The following SNTG2 variants were observed in gnomAD, a reference collection of about 807,000 sequenced individuals.
SNTG2 encodes the protein syntrophin gamma 2.
A neutral mutation model predicts 70.9 loss-of-function variants in SNTG2; 74 were observed. The observed-to-expected ratio is 1.04, with a 90% CI of 0.86 to 1.27. The LOEUF (loss-of-function observed/expected upper bound fraction) is 1.27, where lower values mean the gene tolerates loss of function less well. Ranked by LOEUF, SNTG2 falls within the 50% of genes most tolerant of loss-of-function variation. SNTG2 has a pLI of 0.00. For missense variants in SNTG2, 717 were observed against 690.7 expected (o/e 1.04, Z -0.43); for synonymous variants, 278 against 273.8 (o/e 1.02, Z -0.15).
chr2:1,165,413 A>G (rs1007001475), intron 6 of SNTG2, 135 bp from the exon 7 acceptor site: 10 of 824,214 alleles, frequency 1.2e-5, no homozygotes, highest in Middle Eastern at 3.2e-4. Flanking sequence ...GAAGCCCACA[A>G]AGTTTTCCGT....
chr2:1,039,017 A>G (rs1002870208), intron 1 of SNTG2, among the ~76,000 whole-genome samples: 6 of 152,216 alleles, frequency 3.9e-5, no homozygotes, highest in African/African-American at 1.4e-4. Flanking sequence ...GCAAATCTGT[A>G]AGTTCATATG....
chr2:1,246,157 G>A (rs991379848), intron 11 of SNTG2, among the ~76,000 whole-genome samples: 5 of 152,144 alleles, frequency 3.3e-5, no homozygotes, highest in Admixed American at 6.5e-5. Context: ...AAACTAAAAC[G>A]TTTAATGCAT....
chr2:957,034 GCT>G (rs1248397756), intron 1 of SNTG2, among the ~76,000 whole-genome samples: 2 of 152,088 alleles, frequency 1.3e-5, no homozygotes, highest in Non-Finnish European at 2.9e-5. Flanking sequence ...TTACCAAATG[GCT>G]CTGTCAGTTT....
chr2:1,303,736 G>A (rs1680555652), intron 14 of SNTG2, among the ~76,000 whole-genome samples: 1 of 152,096 alleles, frequency 6.6e-6, no homozygotes, highest in Non-Finnish European at 1.5e-5. Context: ...AAAAAGAGGA[G>A]AAAAAGAGAA....
At chr2:1,014,313 T>G (rs372072715) in intron 1 of SNTG2, among the ~76,000 whole-genome samples, 594 of 22,324 alleles carry the variant, frequency 0.027, 3 homozygotes, top group African/African-American at 0.039. Flanking sequence ...GGGTGGTCTG[T>G]AGAGGGATTT....
At chr2:1,352,817 C>T (rs1660655624) in intron 16 of SNTG2, among the ~76,000 whole-genome samples, 1 of 152,122 alleles carries the variant, frequency 6.6e-6, no homozygotes, top group South Asian at 2.1e-4. Flanking sequence ...GTATCACCTA[C>T]ATTTTATTTT....
At chr2:1,347,649 T>A (rs372148417) in intron 16 of SNTG2, among the ~76,000 whole-genome samples, 30 of 152,350 alleles carry the variant, frequency 2.0e-4, no homozygotes, top group African/African-American at 6.5e-4. Context: ...GCCAAGGCCA[T>A]GTGAGTTCAG....
Position 951,068 on chromosome 2 carries a change from G to A in SNTG2, c.72G>A (p.Arg24=), listed in dbSNP as rs1388275101. 1.6e-6 allele frequency: 2 copies of A among 1,262,136 alleles called. No individual in the cohort carries two copies. The allele number at this position is 1,262,136 out of a possible 1,614,324, so 78.2% of individuals were successfully genotyped here. Residue 24 remains arginine (R), a splice_region_variant and synonymous_variant, in exon 1 of 17, where the codon CGG becomes CGA. Transcript: ENST00000308624. ...AGGGCTGCCTGCTGGTACCTGCGCG[G>A]GTGAGTGCGGCCCCTCAGCGCCCCT... ...GRQGCLLVPA[R]TKTTIALLYD...
intron 1 of SNTG2, among the ~76,000 whole-genome samples, chr2:1,075,719 T>C (rs764523450): frequency 6.6e-6 from 1 of 152,258 alleles, no homozygotes; most frequent in Non-Finnish European, 1.5e-5. Context: ...TCATTCTTTC[T>C]GTTTGTTGGA....
At chr2:1,128,973 C>A (rs1667865382) in intron 4 of SNTG2, among the ~76,000 whole-genome samples, 1 of 152,044 alleles carries the variant, frequency 6.6e-6, no homozygotes, top group African/African-American at 2.4e-5. Context: ...CATCTACTTC[C>A]AGTGCTGAAG....
At chr2:1,173,235 C>T in intron 8 of SNTG2, 52 bp downstream of exon 8, 2 of 1,480,448 alleles carry the variant, frequency 1.4e-6, no homozygotes, top group Non-Finnish European at 1.9e-6. Flanking sequence ...TATCAGTAGC[C>T]CAGAGATAAT....
At chr2:1,081,418 C>T (rs1664286899) in intron 1 of SNTG2, among the ~76,000 whole-genome samples, 1 of 152,236 alleles carries the variant, frequency 6.6e-6, no homozygotes, top group Non-Finnish European at 1.5e-5. Context: ...CGAGTGTTCA[C>T]TTATAAGAGT....
At chr2:1,338,636 T>C (rs1364616806) in intron 16 of SNTG2, among the ~76,000 whole-genome samples, 3 of 152,176 alleles carry the variant, frequency 2.0e-5, no homozygotes, top group Admixed American at 6.5e-5. Context: ...GATTACCTTT[T>C]CTATCTGGCT....
intron 9 of SNTG2, among the ~76,000 whole-genome samples, chr2:1,216,872 G>A (rs948354805): frequency 4.6e-5 from 7 of 151,946 alleles, no homozygotes; most frequent in Non-Finnish European, 8.8e-5. Flanking sequence ...GATAGCGAGT[G>A]AATTCTCATC....
chr2:1,161,879 C>A (rs925339515), intron 6 of SNTG2, among the ~76,000 whole-genome samples: 5 of 152,012 alleles, frequency 3.3e-5, no homozygotes, highest in African/African-American at 1.2e-4. Flanking sequence ...TCGAGACCAT[C>A]CTGGCTAACA....
Position 1,098,024 on chromosome 2 carries a change from A to G in SNTG2, c.211-172A>G, listed in dbSNP as rs534154562. On this transcript the variant is annotated intron_variant, in intron 2 of 16. Coordinates refer to ENST00000308624, the MANE Select transcript of SNTG2 (RefSeq NM_018968.4). ...CACTGTCTTCGTTTTCATACGTGCA[A>G]TACCACGGAGTAAAGATTTGAAATA... is the stretch of plus-strand genomic sequence containing the variant. Among the ~76,000 whole-genome samples, 301 of 152,266 alleles carry G rather than the reference A, an allele frequency of 2.0e-3. 2 individuals carry two copies. The highest frequency in any genetic ancestry group is 4.2e-3 in the Admixed American group (64 of 15,300).
At chr2:1,067,951 A>G (rs954194630) in intron 1 of SNTG2, among the ~76,000 whole-genome samples, 1 of 152,136 alleles carries the variant, frequency 6.6e-6, no homozygotes, top group African/African-American at 2.4e-5. Context: ...GAGTGGGGCT[A>G]GAGCTTTGGG....
intron 1 of SNTG2, among the ~76,000 whole-genome samples, chr2:1,072,047 T>C (rs1000461143): frequency 6.6e-6 from 1 of 152,172 alleles, no homozygotes; most frequent in African/African-American, 2.4e-5. Context: ...AACATAAAAG[T>C]GCAAGGTGAA....
intron 1 of SNTG2, among the ~76,000 whole-genome samples, chr2:1,064,435 A>G (rs929472582): frequency 6.6e-6 from 1 of 150,816 alleles, no homozygotes; most frequent in Non-Finnish European, 1.5e-5. Flanking sequence ...AATTATATAT[A>G]TGTATATATA....
Sources: gnomAD v4.1 joint callset for allele counts (sites outside exome capture counted in the v4.1 genomes callset) on GRCh38, gnomAD v4.1.1 for gene constraint, MANE v1.5 for transcripts, NCBI Gene and HGNC (gene_info 2026-07-23, HGNC 2026-07-21) for gene names.